LSM4: variants seen among roughly 807,000 people sequenced by gnomAD.
LSM4 encodes LSM4 homolog, U6 small nuclear RNA and mRNA degradation associated, also known as U6 snRNA-associated Sm-like protein LSm4.
LSM4 carries 15 observed loss-of-function variants against 22.3 expected under a neutral mutation model. That is an observed-to-expected ratio of 0.67 (90% confidence interval 0.45 to 1.03). The LOEUF (loss-of-function observed/expected upper bound fraction) is 1.03, where lower values mean the gene tolerates loss of function less well. Ranked by LOEUF, LSM4 falls within the 50% of genes least tolerant of loss-of-function variation. The probability of loss-of-function intolerance (pLI) is 0.00; values close to 1 mark genes in which losing one functional copy is unlikely to be tolerated. For missense variants in LSM4, 127 were observed against 198.0 expected (o/e 0.64, Z 2.15); for synonymous variants, 90 against 79.8 (o/e 1.13, Z -0.68).
chr19:18,309,441 G>A (rs1268700264), intron 4 of LSM4: 3 of 544,130 alleles, frequency 5.5e-6, no homozygotes, highest in Non-Finnish European at 9.6e-6. Flanking sequence ...ACTGAGGCTT[G>A]GGGAGGTGAC....
At chr19:18,322,911 C>T (rs912756415) in intron 1 of LSM4, 107 bp downstream of exon 1, 29 of 1,493,772 alleles carry the variant, frequency 1.9e-5, no homozygotes, top group Non-Finnish European at 2.6e-5. Context: ...GAGGCTCGGA[C>T]CTTACGTTCG....
rs752948176 is a variant in LSM4, at chr19:18,307,457, T to TG, written c.*6dup. 1.3e-6 allele frequency: 2 copies of TG among 1,531,300 alleles called. No homozygotes were observed. The highest frequency in any genetic ancestry group is 1.8e-6 in the Non-Finnish European group (2 of 1,140,874). 94.9% of individuals were successfully genotyped at this position (1,531,300 alleles called of 1,614,324 possible). On this transcript the variant is annotated 3_prime_UTR_variant, in exon 5 of 5. Transcript: ENST00000593829. ...GAGGGGGCGCAGCAGCCGGTCTGGG[T>TG]GGGCGCTCACTGTTTGCCCGCCTGT...
chr19:18,315,923 C>G, intron 2 of LSM4, 101 bp downstream of exon 2: 1 of 1,045,360 alleles, frequency 9.6e-7, no homozygotes, highest in Non-Finnish European at 1.5e-6. Flanking sequence ...AACTGCCATG[C>G]TGGTGGACAG....
At chr19:18,320,060 G>C (rs992705142) in intron 1 of LSM4, among the ~76,000 whole-genome samples, 1 of 152,236 alleles carries the variant, frequency 6.6e-6, no homozygotes, top group Non-Finnish European at 1.5e-5. Flanking sequence ...CTGCGGGACA[G>C]GGAGCTGCCT....
intron 3 of LSM4, among the ~76,000 whole-genome samples, chr19:18,310,595 T>C (rs1385710453): frequency 1.3e-5 from 2 of 152,122 alleles, no homozygotes; most frequent in Non-Finnish European, 2.9e-5. Context: ...ATCGAGGGAT[T>C]AGCAGGGGCC....
intron 1 of LSM4, among the ~76,000 whole-genome samples, chr19:18,319,866 G>A (rs542199172): frequency 4.9e-4 from 75 of 152,236 alleles, no homozygotes; most frequent in Admixed American, 1.6e-3. Context: ...TGTGTCCCTC[G>A]CTAGACTGGA....
chr19:18,314,135 G>A (rs996689911), intron 2 of LSM4, among the ~76,000 whole-genome samples: 5 of 152,088 alleles, frequency 3.3e-5, no homozygotes, highest in African/African-American at 1.2e-4. Context: ...ATGAACACAG[G>A]CAACCATACA....
At chr19:18,321,971 G>C (rs1970429444) in intron 1 of LSM4, among the ~76,000 whole-genome samples, 1 of 152,166 alleles carries the variant, frequency 6.6e-6, no homozygotes, top group African/African-American at 2.4e-5. Context: ...ACTGATTTGA[G>C]CAATAATAAA....
At position 18,310,039 on chromosome 19, in the gene LSM4, C is replaced by T. The variant is rs538810726; in HGVS notation, c.145-178G>A. 181 of 601,546 alleles carry T rather than the reference C, an allele frequency of 3.0e-4. 3 individuals are homozygous for T. The South Asian group carries it at 3.9e-3, about 13-fold the overall frequency. The allele number at this position is 601,546 out of a possible 1,614,324, so 37.3% of individuals were successfully genotyped here. A position where few individuals can be genotyped will look rare whatever the true frequency, so the allele number is the denominator to read the frequency against. ...GTCCACCCTGCAGGCAGGATCTGTC[C>T]TGACCCCAGGCAATCCTTCACCCAG... On this transcript the variant is annotated intron_variant, in intron 3 of 4. Coordinates refer to ENST00000593829, the MANE Select transcript of LSM4 (RefSeq NM_012321.5).
Position 18,323,045 on chromosome 19 carries a change from C to A in LSM4, c.-25G>T, listed in dbSNP as rs762653381. ...TGGTGCCGGCGGGGACCGGGCTCGC[C>A]GGCCACTTCCGCCGCCGCCGCTGCA... On this transcript the variant is annotated 5_prime_UTR_variant, in exon 1 of 5. Coordinates refer to ENST00000593829, the MANE Select transcript of LSM4 (RefSeq NM_012321.5). The A allele has an allele frequency of 6.5e-7, 1 of 1,534,250 alleles. No individual in the cohort carries two copies. The highest frequency in any genetic ancestry group is 8.7e-7 in the Non-Finnish European group (1 of 1,148,966).
intron 1 of LSM4, among the ~76,000 whole-genome samples, chr19:18,320,825 GA>G (rs1354130005): frequency 1.3e-5 from 2 of 152,020 alleles, no homozygotes; most frequent in Non-Finnish European, 2.9e-5. Flanking sequence ...AATAGAAAAA[GA>G]AAAAAAGTGC....
intron 1 of LSM4, 85 bp downstream of exon 1, chr19:18,322,933 C>T: frequency 5.8e-6 from 9 of 1,557,920 alleles, no homozygotes; most frequent in Non-Finnish European, 6.1e-6. Context: ...CCCGCGCCAA[C>T]CAAGCCCACA....
chr19:18,316,326 C>A, intron 1 of LSM4: 5 of 322,744 alleles, frequency 1.5e-5, no homozygotes, highest in South Asian at 4.9e-5. Flanking sequence ...TGGTGCTGAA[C>A]ACTCTGGTCA....
chr19:18,316,337 A>C, intron 1 of LSM4: 1 of 122,456 alleles, frequency 8.2e-6, no homozygotes. Context: ...ACTCTGGTCA[A>C]TTTTTTTTTT....
chr19:18,314,190 C>G (rs949627633), intron 2 of LSM4, among the ~76,000 whole-genome samples: 2 of 151,914 alleles, frequency 1.3e-5, no homozygotes, highest in Non-Finnish European at 2.9e-5. Flanking sequence ...TCGCAATAGC[C>G]AAAAAGGGGA....
chr19:18,315,943 G>T lies in LSM4; in HGVS notation c.45+81C>A, dbSNP rs898583901. 159 of 1,345,878 alleles carry T rather than the reference G, an allele frequency of 1.2e-4. 1 individual carries two copies. In the Admixed American group the frequency reaches 2.8e-3, roughly 23 times the overall value. 83.4% of individuals were successfully genotyped at this position (1,345,878 alleles called of 1,614,324 possible). A position where few individuals can be genotyped will look rare whatever the true frequency, so the allele number is the denominator to read the frequency against. ...CCATGCTGGTGGACAGGCAGGCCAG[G>T]AAGCCGTCTGCTCAGCCACCGCCCC... On this transcript the variant is annotated intron_variant, in intron 2 of 4. Coordinates refer to ENST00000593829, the MANE Select transcript of LSM4 (RefSeq NM_012321.5).
chr19:18,308,091 T>C (rs1018622829), intron 4 of LSM4, among the ~76,000 whole-genome samples: 1 of 152,116 alleles, frequency 6.6e-6, no homozygotes, highest in Non-Finnish European at 1.5e-5. Flanking sequence ...AGGCCAGAGA[T>C]AGACCATGAG....
rs933620160 is a variant in LSM4 at position 18,307,481 on chromosome 19, G to C, written c.403C>G (p.Gln135Glu). 2 of 1,550,680 alleles carry C rather than the reference G, an allele frequency of 1.3e-6. No individual in the cohort carries two copies. Among genetic ancestry groups the C allele is most frequent in the African/African-American group, 1.4e-5 (1 of 72,930 alleles). Residue 135 changes from glutamine (Q) to glutamate (E), a missense_variant, in exon 5 of 5, where the codon CAG (glutamine) becomes GAG (glutamate). By Grantham distance (29) the Gln-to-Glu change is conservative. Coordinates refer to ENST00000593829, the MANE Select transcript of LSM4 (RefSeq NM_012321.5). ...GTGGGCGCTCACTGTTTGCCCGCCTGTCTGCCAGGCTTCTTCTCTGGCTGG... is the reference window on the plus strand; with the variant it reads ...GTGGGCGCTCACTGTTTGCCCGCCTCTCTGCCAGGCTTCTTCTCTGGCTGG... Reference protein sequence around the residue: ...RGQPEKKPGRQAGKQ With the variant: ...RGQPEKKPGREAGKQ
intron 1 of LSM4, among the ~76,000 whole-genome samples, chr19:18,322,261 A>G (rs1970432572): frequency 6.6e-6 from 1 of 152,212 alleles, no homozygotes; most frequent in Non-Finnish European, 1.5e-5. Flanking sequence ...AAGAAGGACC[A>G]GAAGCTGATG....
Sources: allele counts gnomAD v4.1 joint callset (sites outside exome capture counted in the v4.1 genomes callset), GRCh38; gene constraint gnomAD v4.1.1; transcripts MANE v1.5; gene names NCBI Gene and HGNC (gene_info 2026-07-23, HGNC 2026-07-21).